The following TP53BP1 variants were observed in gnomAD, a reference collection of about 807,000 sequenced individuals.
The protein encoded by TP53BP1 is TP53-binding protein 1.
Under a neutral mutation model 200.8 loss-of-function variants are expected in TP53BP1, and 61 were observed. The observed-to-expected ratio is 0.30, with a 90% CI of 0.25 to 0.38. The LOEUF is 0.38. Among genes scored for constraint, TP53BP1 ranks in the 10% least tolerant of loss-of-function variants. The probability of loss-of-function intolerance (pLI) is 1.00; values close to 1 mark genes in which losing one functional copy is unlikely to be tolerated. For synonymous variants in TP53BP1, 822 were observed against 844.3 expected, an observed-to-expected ratio of 0.97 and a Z score of 0.46; for missense variants, 2,144 against 2,371.9, an observed-to-expected ratio of 0.90 and a Z score of 2.00.
At chr15:43,415,557 G>A in intron 23 of TP53BP1, 37 bp downstream of exon 23, 1 of 1,597,586 alleles carries the variant, frequency 6.3e-7, no homozygotes, top group Non-Finnish European at 8.6e-7. Context: ...ATTCTGCCAT[G>A]GTCTGAAGGA....
In TP53BP1 at chr15:43,421,918, G is replaced by C. The variant is rs758590748; in HGVS notation, c.4037C>G (p.Thr1346Ser). 2.5e-5 allele frequency: 41 copies of C among 1,614,196 alleles called. No homozygotes were observed. The South Asian group carries it at 4.4e-4, about 17-fold the overall frequency. ...GKGAGPLRGK[T>S]SGTEPADFAL... ...AAAATCTGCGGGTTCTGTCCCGCTG[G>C]TTTTCCCTCTGAGTGGTCCGGCTCC... is the stretch of plus-strand genomic sequence containing the variant. The change falls in exon 19 of 28, where the codon ACC becomes AGC. Residue 1346 changes from threonine (T) to serine (S), a missense_variant. Transcript: ENST00000382044.
chr15:43,410,704 C>T (rs560805846), intron 24 of TP53BP1, among the ~76,000 whole-genome samples: 1 of 152,152 alleles, frequency 6.6e-6, no homozygotes, highest in South Asian at 2.1e-4. Context: ...GGTACCACTC[C>T]CCTTCCCCTT....
chr15:43,432,768 CA>C, intron 16 of TP53BP1, 91 bp from the exon 17 acceptor site: 1 of 1,373,878 alleles, frequency 7.3e-7, no homozygotes, highest in Non-Finnish European at 9.8e-7. Flanking sequence ...TGTGTAGTGG[CA>C]AGGGGGGAGC....
intron 11 of TP53BP1, among the ~76,000 whole-genome samples, chr15:43,459,167 G>T (rs1252480245): frequency 6.6e-6 from 1 of 151,864 alleles, no homozygotes; most frequent in Non-Finnish European, 1.5e-5. Flanking sequence ...GTGAAATCCC[G>T]CCCCTACTAA....
At chr15:43,417,536 A>C (rs1021484942) in intron 21 of TP53BP1, among the ~76,000 whole-genome samples, 1 of 152,274 alleles carries the variant, frequency 6.6e-6, no homozygotes, top group Non-Finnish European at 1.5e-5. Flanking sequence ...AACTAGAAGT[A>C]GTCTAGTGTT....
At chr15:43,449,500 T>C (rs1487202048) in intron 12 of TP53BP1, among the ~76,000 whole-genome samples, 1 of 152,258 alleles carries the variant, frequency 6.6e-6, no homozygotes, top group East Asian at 1.9e-4. Flanking sequence ...ATAAAACTTA[T>C]GGAAAGTAAT....
rs1474678375 is a variant in TP53BP1 at position 43,413,166 on chromosome 15, C to T, written c.5258G>A (p.Arg1753His). 5.6e-6 allele frequency: 9 copies of T among 1,614,070 alleles called. No individual in the cohort carries two copies. The highest frequency in any genetic ancestry group is 5.3e-5 in the African/African-American group (4 of 74,922). Reference protein sequence around the residue: ...MATTSDKLASRSKLPDGPTGS... With the variant: ...MATTSDKLASHSKLPDGPTGS... ...TGTAGGACCATCTGGCAGTTTGGAG[C>T]GGCTGGCCAACTTGTCACTGGTTGT... Residue 1753 changes from arginine to histidine, a missense_variant, in exon 24 of 28, where the codon CGC (arginine) becomes CAC (histidine). Physicochemically the swap from Arg to His is conservative, Grantham distance 29. Coordinates refer to ENST00000382044, the MANE Select transcript of TP53BP1 (RefSeq NM_001141980.3).
chr15:43,480,814 G>A, intron 5 of TP53BP1, 81 bp downstream of exon 5: 2 of 1,463,134 alleles, frequency 1.4e-6, no homozygotes, highest in South Asian at 1.3e-5. Flanking sequence ...ACCTAATAAA[G>A]AGGAGAAATT....
At chr15:43,444,200 T>C (rs2045991307) in intron 14 of TP53BP1, among the ~76,000 whole-genome samples, 1 of 152,228 alleles carries the variant, frequency 6.6e-6, no homozygotes, top group South Asian at 2.1e-4. Context: ...AACACTTCGC[T>C]AGTTGTAATT....
Position 43,447,488 on chromosome 15 carries a change from G to GAAAAAAAAAAAAAAAAAAAAA in TP53BP1, c.2717-4_2717-3insTTTTTTTTTTTTTTTTTTTTT. 1 of 954,474 alleles carries GAAAAAAAAAAAAAAAAAAAAA rather than the reference G, an allele frequency of 1.0e-6. No homozygotes were observed. The highest frequency in any genetic ancestry group is 2.9e-5 in the South Asian group (1 of 34,484). The allele number at this position is 954,474 out of a possible 1,614,324, so 59.1% of individuals were successfully genotyped here. On this transcript the variant is annotated splice_region_variant and splice_polypyrimidine_tract_variant and intron_variant, in intron 12 of 27. Transcript: ENST00000382044. ...CAAAGTGAAATGAAATGGGGTTTCT[G>GAAAAAAAAAAAAAAAAAAAAA]AAAAAAAAAAAAAAAAGAAAAAAGA...
At chr15:43,416,467 G>C (rs1200762304) in intron 21 of TP53BP1, 51 bp from the exon 22 acceptor site, 2 of 1,566,278 alleles carry the variant, frequency 1.3e-6, no homozygotes. Context: ...AGGCTCCTTA[G>C]CACCCTCTCA....
intron 13 of TP53BP1, chr15:43,446,939 T>C (rs1307495186): frequency 2.6e-5 from 16 of 606,380 alleles, no homozygotes; most frequent in Non-Finnish European, 4.7e-5. Context: ...TAGGTTAATG[T>C]AGAAGACTAC....
At chr15:43,443,904 C>A (rs1367845071) in intron 14 of TP53BP1, among the ~76,000 whole-genome samples, 10 of 152,326 alleles carry the variant, frequency 6.6e-5, no homozygotes, top group Non-Finnish European at 4.4e-5. Context: ...CATGACCCAA[C>A]ATAATCTAAA....
At chr15:43,419,267 G>A (rs567314382) in intron 21 of TP53BP1, among the ~76,000 whole-genome samples, 1 of 152,276 alleles carries the variant, frequency 6.6e-6, no homozygotes, top group East Asian at 1.9e-4. Context: ...AACCAGTGAT[G>A]AAGATTAACA....
At position 43,416,508 on chromosome 15, in the gene TP53BP1, G is replaced by A. The variant is rs565481862; in HGVS notation, c.4682-92C>T. The A allele has an allele frequency of 1.4e-5, 17 of 1,234,820 alleles. No homozygotes were observed. The East Asian group carries it at 2.1e-4, about 15-fold the overall frequency. 76.5% of individuals were successfully genotyped at this position (1,234,820 alleles called of 1,614,324 possible). ...GCTCTGTAAAGCAGGCCTGAGTTAGGGAATTTAGAGATCCAACAGTGGACT... is the reference window on the plus strand; with the variant it reads ...GCTCTGTAAAGCAGGCCTGAGTTAGAGAATTTAGAGATCCAACAGTGGACT... On this transcript the variant is annotated intron_variant, in intron 21 of 27. Transcript: ENST00000382044.
intron 12 of TP53BP1, among the ~76,000 whole-genome samples, chr15:43,455,364 C>T (rs573186651): frequency 6.6e-6 from 1 of 151,938 alleles, no homozygotes; most frequent in South Asian, 2.1e-4. Flanking sequence ...CAACTAGTCC[C>T]GAGTTACAAA....
At position 43,404,980 on chromosome 15, in the gene TP53BP1, C is replaced by T; in HGVS notation, c.*2403G>A. 1 of 557,548 alleles carries T rather than the reference C, an allele frequency of 1.8e-6. No individual in the cohort carries two copies. Among genetic ancestry groups the T allele is most frequent in the South Asian group, 2.6e-5 (1 of 38,276 alleles). 34.5% of individuals were successfully genotyped at this position (557,548 alleles called of 1,614,324 possible). On this transcript the variant is annotated 3_prime_UTR_variant, in exon 28 of 28. Coordinates refer to ENST00000382044, the MANE Select transcript of TP53BP1 (RefSeq NM_001141980.3). Reference sequence around the variant, plus strand: ...CGAGATTCAGTGGTAGCTGGCTTCCCAGAGGTCTGTCATTCCCATTCAGAA... The same window carrying T: ...CGAGATTCAGTGGTAGCTGGCTTCCTAGAGGTCTGTCATTCCCATTCAGAA...
rs895286704 is a variant in TP53BP1, at chr15:43,404,123, T to C, written c.*3260A>G. On this transcript the variant is annotated 3_prime_UTR_variant, in exon 28 of 28. Coordinates refer to ENST00000382044, the MANE Select transcript of TP53BP1 (RefSeq NM_001141980.3). ...CCATCTCACTGAGATAATTATCTGCTTGTAATCAAAACGGGTTCTCCCCAA... is the reference window on the plus strand; with the variant it reads ...CCATCTCACTGAGATAATTATCTGCCTGTAATCAAAACGGGTTCTCCCCAA... 22 of 517,326 alleles carry C rather than the reference T, an allele frequency of 4.3e-5. No individual in the cohort carries two copies. Among genetic ancestry groups the C allele is most frequent in the Non-Finnish European group, 5.9e-5 (17 of 290,506 alleles). 32.0% of individuals were successfully genotyped at this position (517,326 alleles called of 1,614,324 possible).
chr15:43,443,002 T>C (rs1053551018), intron 14 of TP53BP1, among the ~76,000 whole-genome samples: 2 of 151,234 alleles, frequency 1.3e-5, no homozygotes, highest in Non-Finnish European at 2.9e-5. Context: ...ATTTTTATAT[T>C]TTTAGTAGAG....
Sources: allele counts gnomAD v4.1 joint callset (sites outside exome capture counted in the v4.1 genomes callset), GRCh38; gene constraint gnomAD v4.1.1; transcripts MANE v1.5; gene names NCBI Gene and HGNC (gene_info 2026-07-23, HGNC 2026-07-21).